INPP4B: variants seen among roughly 807,000 people sequenced by gnomAD.
INPP4B encodes the protein inositol polyphosphate-4-phosphatase type II B.
In INPP4B, 55 loss-of-function variants were observed where a neutral mutation model predicts 122.5. That is an observed-to-expected ratio of 0.45 (90% CI 0.36 to 0.56). The LOEUF (loss-of-function observed/expected upper bound fraction) is 0.56. Among genes scored for constraint, INPP4B ranks in the 20% least tolerant of loss-of-function variants. The pLI is 0.00. For synonymous variants in INPP4B, 403 were observed against 388.7 expected (o/e 1.04, Z -0.43); for missense variants, 1,000 against 1,097.7 (o/e 0.91, Z 1.26).
chr4:142,649,475 T>A (rs555024735), intron 2 of INPP4B, among the ~76,000 whole-genome samples: 1 of 152,118 alleles, frequency 6.6e-6, no homozygotes, highest in Admixed American at 6.5e-5. Flanking sequence ...AAAACCTTGA[T>A]AAAAGGTTAT....
At position 142,112,676 on chromosome 4, in the gene INPP4B, A is replaced by G; in HGVS notation, c.2142T>C (p.His714=). ...VLPVITGRRE[H]YVVEVKLPAR... ...CTGGAAGCTTGACCTCTACCACGTA[A>G]TGTTCTCTAAAGAAGGCAGAGGACA... is the stretch of plus-strand genomic sequence containing the variant. Residue 714 remains histidine, a synonymous_variant, in exon 22 of 26, where the codon CAT becomes CAC. Coordinates refer to ENST00000262992, the MANE Select transcript of INPP4B (RefSeq NM_001101669.3). 2 of 1,609,516 alleles carry G rather than the reference A, an allele frequency of 1.2e-6. No individual in the cohort carries two copies. The highest frequency in any genetic ancestry group is 1.7e-6 in the Non-Finnish European group (2 of 1,178,670).
At chr4:142,160,301 C>T in intron 17 of INPP4B, 57 bp downstream of exon 17, 4 of 1,159,680 alleles carry the variant, frequency 3.4e-6, no homozygotes, top group Non-Finnish European at 4.7e-6. Flanking sequence ...TCTGATCATT[C>T]CTACCTTATT....
At chr4:142,473,414 G>A (rs923826326) in intron 2 of INPP4B, 1 of 152,396 alleles carries the variant, frequency 6.6e-6, no homozygotes, top group Non-Finnish European at 1.5e-5. Context: ...ACCCCTCTTG[G>A]GGATACACAC....
At chr4:142,645,375 ATTAAT>A (rs1344324950) in intron 2 of INPP4B, among the ~76,000 whole-genome samples, 3 of 152,232 alleles carry the variant, frequency 2.0e-5, no homozygotes, top group African/African-American at 7.2e-5. Flanking sequence ...CAGTGGAGGC[ATTAAT>A]TTGTTTCCAA....
chr4:142,626,342 A>G (rs1746388966), intron 2 of INPP4B, among the ~76,000 whole-genome samples: 1 of 152,048 alleles, frequency 6.6e-6, no homozygotes, highest in African/African-American at 2.4e-5. Context: ...AATCCTTAAA[A>G]GGGACAGGGA....
At chr4:142,585,641 C>T (rs147113078) in intron 2 of INPP4B, among the ~76,000 whole-genome samples, 27 of 152,160 alleles carry the variant, frequency 1.8e-4, no homozygotes, top group Admixed American at 7.2e-4. Flanking sequence ...CCTCTTGCTT[C>T]GCTCTCAGGA....
At chr4:142,033,175 A>G (rs531734775) in intron 25 of INPP4B, among the ~76,000 whole-genome samples, 1 of 152,318 alleles carries the variant, frequency 6.6e-6, no homozygotes, top group Non-Finnish European at 1.5e-5. Flanking sequence ...AGGGGTAACC[A>G]TTGTTAACCT....
At chr4:142,837,459 G>A (rs1254363655) in intron 1 of INPP4B, among the ~76,000 whole-genome samples, 2 of 151,842 alleles carry the variant, frequency 1.3e-5, no homozygotes, top group African/African-American at 4.8e-5. Context: ...TGTGATCTTG[G>A]GTAAGTCACT....
At chr4:142,469,653 G>C (rs998125225) in intron 2 of INPP4B, among the ~76,000 whole-genome samples, 1 of 152,094 alleles carries the variant, frequency 6.6e-6, no homozygotes. Context: ...ACAGATTAGT[G>C]GGAAAACATG....
intron 2 of INPP4B, among the ~76,000 whole-genome samples, chr4:142,564,513 A>C (rs1291764070): frequency 6.6e-6 from 1 of 151,508 alleles, no homozygotes; most frequent in Admixed American, 6.6e-5. Flanking sequence ...GAACCAGACC[A>C]TGGAAGACTG....
intron 5 of INPP4B, among the ~76,000 whole-genome samples, chr4:142,423,459 A>G (rs896291740): frequency 2.0e-5 from 3 of 152,030 alleles, no homozygotes; most frequent in African/African-American, 7.2e-5. Flanking sequence ...ACCTGCATAT[A>G]TAAAATCCAA....
At chr4:142,602,490 T>G (rs886442866) in intron 2 of INPP4B, among the ~76,000 whole-genome samples, 1 of 152,162 alleles carries the variant, frequency 6.6e-6, no homozygotes, top group Admixed American at 6.6e-5. Flanking sequence ...TAAAATTTAT[T>G]CTACATGGAA....
At chr4:142,559,216 A>T (rs916623320) in intron 2 of INPP4B, among the ~76,000 whole-genome samples, 1 of 152,236 alleles carries the variant, frequency 6.6e-6, no homozygotes, top group Non-Finnish European at 1.5e-5. Context: ...AAAGGAATGA[A>T]TATGGACTAA....
chr4:142,672,087 A>G (rs1256154617), intron 2 of INPP4B, among the ~76,000 whole-genome samples: 1 of 152,174 alleles, frequency 6.6e-6, no homozygotes, highest in Non-Finnish European at 1.5e-5. Flanking sequence ...TTTTATGCTA[A>G]GTAGTATTCC....
chr4:142,319,127 T>C (rs1769019556), intron 7 of INPP4B, among the ~76,000 whole-genome samples: 1 of 152,128 alleles, frequency 6.6e-6, no homozygotes, highest in Non-Finnish European at 1.5e-5. Flanking sequence ...GGCCATGCTG[T>C]CCTGGGTCTG....
At chr4:142,762,381 G>A (rs770584488) in intron 1 of INPP4B, among the ~76,000 whole-genome samples, 1 of 152,104 alleles carries the variant, frequency 6.6e-6, no homozygotes, top group Non-Finnish European at 1.5e-5. Context: ...ACTTTGGGAA[G>A]ACAGATCATC....
chr4:142,329,723 C>T (rs1362357067), intron 7 of INPP4B, among the ~76,000 whole-genome samples: 1 of 152,118 alleles, frequency 6.6e-6, no homozygotes, highest in African/African-American at 2.4e-5. Flanking sequence ...CAGTTTAATA[C>T]TGACAGAGAA....
intron 7 of INPP4B, among the ~76,000 whole-genome samples, chr4:142,363,065 T>C (rs1234175567): frequency 1.3e-5 from 2 of 152,058 alleles, no homozygotes; most frequent in Non-Finnish European, 2.9e-5. Flanking sequence ...GATCTCCCTG[T>C]ACTTTTATTC....
intron 15 of INPP4B, among the ~76,000 whole-genome samples, chr4:142,181,241 C>G (rs534015699): frequency 6.6e-6 from 1 of 152,040 alleles, no homozygotes; most frequent in Admixed American, 6.6e-5. Flanking sequence ...ATTCCTGAGA[C>G]GAAGGGAAAA....
Sources: gnomAD v4.1 joint callset for allele counts (sites outside exome capture counted in the v4.1 genomes callset) on GRCh38, gnomAD v4.1.1 for gene constraint, MANE v1.5 for transcripts, NCBI Gene and HGNC (gene_info 2026-07-23, HGNC 2026-07-21) for gene names.